Variants in PPP4R2 observed in about 807,000 individuals in gnomAD.
The protein encoded by PPP4R2 is serine/threonine-protein phosphatase 4 regulatory subunit 2.
Under a neutral mutation model 47.2 loss-of-function variants are expected in PPP4R2, and 13 were observed. That is an observed-to-expected ratio of 0.28 (90% CI 0.18 to 0.44). The LOEUF (loss-of-function observed/expected upper bound fraction) is 0.44. Among genes scored for constraint, PPP4R2 ranks in the 20% least tolerant of loss-of-function variants. PPP4R2 has a pLI of 1.00. For missense variants in PPP4R2, 421 were observed against 491.2 expected (o/e 0.86, Z 1.35); for synonymous variants, 151 against 163.3 (o/e 0.92, Z 0.57).
chr3:73,054,107 AG>A (rs1702678860), intron 3 of PPP4R2, among the ~76,000 whole-genome samples: 2 of 151,980 alleles, frequency 1.3e-5, no homozygotes, highest in African/African-American at 4.8e-5. Flanking sequence ...TAGTAGAGAC[AG>A]GGTTTCGCCA....
At chr3:72,998,773 G>C (rs1701403564) in intron 2 of PPP4R2, among the ~76,000 whole-genome samples, 1 of 152,148 alleles carries the variant, frequency 6.6e-6, no homozygotes, top group South Asian at 2.1e-4. Flanking sequence ...TATAAAGTTA[G>C]GGCTGTGTTC....
chr3:73,019,459 C>T (rs1336030923), intron 2 of PPP4R2, among the ~76,000 whole-genome samples: 2 of 152,148 alleles, frequency 1.3e-5, no homozygotes, highest in Non-Finnish European at 2.9e-5. Context: ...CTGCAACCTC[C>T]TCCTCCTGGG....
At chr3:73,049,429 G>A (rs1407697775) in intron 3 of PPP4R2, among the ~76,000 whole-genome samples, 1 of 151,840 alleles carries the variant, frequency 6.6e-6, no homozygotes, top group Non-Finnish European at 1.5e-5. Context: ...AACCCAGGAG[G>A]CAGAGCCTGC....
At chr3:73,037,023 A>G (rs887776468) in intron 2 of PPP4R2, among the ~76,000 whole-genome samples, 3 of 152,158 alleles carry the variant, frequency 2.0e-5, no homozygotes, top group African/African-American at 4.8e-5. Flanking sequence ...AATCATTTAC[A>G]TATGTCTTTC....
intron 7 of PPP4R2, 33 bp from the exon 8 acceptor site, chr3:73,064,818 TC>T: frequency 6.6e-7 from 1 of 1,525,582 alleles, no homozygotes; most frequent in Non-Finnish European, 8.8e-7. Flanking sequence ...GGGAAAATAA[TC>T]TTATTAATGA....
At chr3:73,054,072 C>A (rs1324014760) in intron 3 of PPP4R2, among the ~76,000 whole-genome samples, 1 of 152,078 alleles carries the variant, frequency 6.6e-6, no homozygotes, top group African/African-American at 2.4e-5. Flanking sequence ...ATGCATCAAC[C>A]ATGCCCGGCT....
intron 5 of PPP4R2, chr3:73,062,039 A>G (rs751729457): frequency 4.2e-6 from 6 of 1,414,524 alleles, no homozygotes; most frequent in Non-Finnish European, 5.7e-6. Context: ...GGTATTTTGG[A>G]AAAATGGTAA....
At chr3:73,033,450 C>T (rs1702205961) in intron 2 of PPP4R2, among the ~76,000 whole-genome samples, 1 of 152,170 alleles carries the variant, frequency 6.6e-6, no homozygotes, top group African/African-American at 2.4e-5. Flanking sequence ...TCTTCAGCAA[C>T]TCTTGTGAGT....
rs750748054 is a variant in PPP4R2 at position 72,997,044 on chromosome 3, G to A, written c.7G>A (p.Val3Ile). Residue 3 changes from valine (V) to isoleucine (I), a missense_variant, in exon 1 of 9, where the codon GTC becomes ATC. Coordinates refer to ENST00000356692, the MANE Select transcript of PPP4R2 (RefSeq NM_174907.4). ...TGAGGGACTCCGGGAAGCCATGGAC[G>A]TCGAGAGGCTCCAGGAGGCGCTGAA... is the stretch of plus-strand genomic sequence containing the variant. MD[V>I]ERLQEALKDF... The A allele has an allele frequency of 1.6e-5, 23 of 1,407,482 alleles. 1 individual carries two copies. The highest frequency in any genetic ancestry group is 1.9e-4 in the Middle Eastern group (1 of 5,402). 87.2% of individuals were successfully genotyped at this position (1,407,482 alleles called of 1,614,324 possible). A position where few individuals can be genotyped will look rare whatever the true frequency, so the allele number is the denominator to read the frequency against.
At chr3:73,031,369 G>C (rs1702161208) in intron 2 of PPP4R2, among the ~76,000 whole-genome samples, 1 of 152,022 alleles carries the variant, frequency 6.6e-6, no homozygotes, top group African/African-American at 2.4e-5. Context: ...GTGAAACCCT[G>C]TCTCTGCTAA....
chr3:73,015,110 A>C, intron 2 of PPP4R2: 1 of 441,996 alleles, frequency 2.3e-6, no homozygotes, highest in Non-Finnish European at 4.0e-6. Context: ...GCACTCTGAG[A>C]TCTCAGAAAT....
At chr3:73,063,861 C>T in intron 6 of PPP4R2, 114 bp downstream of exon 6, 1 of 1,086,698 alleles carries the variant, frequency 9.2e-7, no homozygotes, top group South Asian at 1.4e-5. Context: ...GGATGAACTA[C>T]ATAGAATTAG....
chr3:73,048,588 G>A (rs192016125), intron 3 of PPP4R2, among the ~76,000 whole-genome samples: 15 of 152,184 alleles, frequency 9.9e-5, no homozygotes, highest in Admixed American at 9.8e-4. Flanking sequence ...CTTTATTGAA[G>A]GGAAGAAGTG....
In PPP4R2 at chr3:73,063,208, A is replaced by G. The variant is rs1192033322; in HGVS notation, c.420-465A>G. 2.4e-5 allele frequency: 9 copies of G among 380,500 alleles called. 1 individual carries two copies. Among genetic ancestry groups the G allele is most frequent in the Admixed American group, 4.7e-5 (1 of 21,194 alleles). 23.6% of individuals were successfully genotyped at this position (380,500 alleles called of 1,614,324 possible). On this transcript the variant is annotated intron_variant, in intron 5 of 8. Coordinates refer to ENST00000356692, the MANE Select transcript of PPP4R2 (RefSeq NM_174907.4). Reference sequence around the variant, plus strand: ...TCCTGATGTTATACCAGGATCAACCATCACACTCCCTTTGCTTCAAATGGC... The same window carrying G: ...TCCTGATGTTATACCAGGATCAACCGTCACACTCCCTTTGCTTCAAATGGC...
rs540666917 is a variant in PPP4R2, at chr3:73,033,806, C to T, written c.117-13380C>T. Among the ~76,000 whole-genome samples, 11 of 152,186 alleles carry T rather than the reference C, an allele frequency of 7.2e-5. No individual in the cohort carries two copies. In the East Asian group the frequency reaches 7.7e-4, roughly 11 times the overall value. On this transcript the variant is annotated intron_variant, in intron 2 of 8. Transcript: ENST00000356692. Reference sequence around the variant, plus strand: ...TTCGTGTCTGGCTTATTTTACTTCACGTAATGCTTTCAGGGTTCAGGGTTG... The same window carrying T: ...TTCGTGTCTGGCTTATTTTACTTCATGTAATGCTTTCAGGGTTCAGGGTTG...
At chr3:73,059,970 C>CA (rs1702817024) in intron 4 of PPP4R2, among the ~76,000 whole-genome samples, 1 of 147,030 alleles carries the variant, frequency 6.8e-6, no homozygotes. Context: ...GTGTGAAGAA[C>CA]AAAGATTCAA....
In PPP4R2 at chr3:73,035,028, A is replaced by C. The variant is rs146356324; in HGVS notation, c.117-12158A>C. On this transcript the variant is annotated intron_variant, in intron 2 of 8. Transcript: ENST00000356692. Reference sequence around the variant, plus strand: ...ATGAAATGGGAGAAAATATTTGCCAACTATCTTTCTGACAAGGGATTAATA... The same window carrying C: ...ATGAAATGGGAGAAAATATTTGCCACCTATCTTTCTGACAAGGGATTAATA... Among the ~76,000 whole-genome samples the C allele has an allele frequency of 6.9e-3, 1,047 of 152,280 alleles. 14 individuals are homozygous for C. The highest frequency in any genetic ancestry group is 0.033 in the Admixed American group (507 of 15,292).
intron 2 of PPP4R2, among the ~76,000 whole-genome samples, chr3:73,041,069 AG>A (rs1702369093): frequency 1.3e-5 from 2 of 152,242 alleles, no homozygotes; most frequent in Non-Finnish European, 2.9e-5. Context: ...TAATGTAATC[AG>A]AAAAAACACA....
chr3:73,031,759 G>T (rs1702168682), intron 2 of PPP4R2, among the ~76,000 whole-genome samples: 1 of 152,122 alleles, frequency 6.6e-6, no homozygotes, highest in Admixed American at 6.5e-5. Context: ...CACTGTTGCA[G>T]TCTTCCTTAC....
Sources: allele counts gnomAD v4.1 joint callset (sites outside exome capture counted in the v4.1 genomes callset), GRCh38; gene constraint gnomAD v4.1.1; transcripts MANE v1.5; gene names NCBI Gene and HGNC (gene_info 2026-07-23, HGNC 2026-07-21).